PRELID2: variants seen among roughly 807,000 people sequenced by gnomAD.
PRELID2 encodes the protein PRELI domain containing 2, also known as PRELI domain-containing protein 2.
A neutral mutation model predicts 28.4 loss-of-function variants in PRELID2; 25 were observed. The observed-to-expected ratio is 0.88, with a 90% CI of 0.64 to 1.23. The LOEUF is 1.23. Among genes scored for constraint, PRELID2 ranks in the 50% most tolerant of loss-of-function variants. The probability of loss-of-function intolerance (pLI) is 0.00; values close to 1 mark genes in which losing one functional copy is unlikely to be tolerated. For synonymous variants in PRELID2, 76 were observed against 71.6 expected (o/e 1.06, Z -0.31); for missense variants, 201 against 214.4 (o/e 0.94, Z 0.39).
the PRELID2 span, among the ~76,000 whole-genome samples, chr5:145,272,061 G>A: frequency 3.3e-5 from 5 of 150,752 alleles, no homozygotes; most frequent in Non-Finnish European, 7.4e-5. Flanking sequence ...AGTATGGGAT[G>A]GAGACATATT....
the PRELID2 span, among the ~76,000 whole-genome samples, chr5:145,337,339 A>G: frequency 2.0e-5 from 3 of 151,890 alleles, no homozygotes; most frequent in Non-Finnish European, 2.9e-5. Context: ...AAAAAAGAAG[A>G]CACCTCCACA....
intron 1 of PRELID2, among the ~76,000 whole-genome samples, chr5:145,582,722 C>T (rs114991333): frequency 0.015 from 2,280 of 152,090 alleles, 60 homozygotes; most frequent in African/African-American, 0.051. Flanking sequence ...ACCAGACACA[C>T]ACACTCTCCC....
the PRELID2 span, among the ~76,000 whole-genome samples, chr5:145,355,054 G>C: frequency 6.6e-6 from 1 of 152,146 alleles, no homozygotes; most frequent in African/African-American, 2.4e-5. Context: ...ATTAAAGACA[G>C]TGTTTAATAT....
chr5:145,456,345 C>T, the PRELID2 span, among the ~76,000 whole-genome samples: 2,819 of 152,248 alleles, frequency 0.019, 46 homozygotes, highest in Non-Finnish European at 0.027. Flanking sequence ...TTTTGTGTAG[C>T]GACGCCTATA....
the PRELID2 span, among the ~76,000 whole-genome samples, chr5:145,352,250 C>G: frequency 6.6e-6 from 1 of 152,232 alleles, no homozygotes; most frequent in Non-Finnish European, 1.5e-5. Context: ...CTGCAGGAAA[C>G]TGTGGCCTGG....
At chr5:145,782,822 G>A (rs188000515) in intron 5 of PRELID2, among the ~76,000 whole-genome samples, 75 of 152,308 alleles carry the variant, frequency 4.9e-4, no homozygotes, top group African/African-American at 1.3e-3. Flanking sequence ...CTATTTGTCA[G>A]ACAGAAAAAT....
chr5:145,758,777 CCAACA>C lies in PRELID2; in HGVS notation c.*1754_*1758del, dbSNP rs1757338479. On this transcript the variant is annotated 3_prime_UTR_variant, in exon 7 of 7. Transcript: ENST00000683046. ...TTAGTTTCTACCATTATTTTTCCCT[CCAACA>C]CAATTGAAGAATGAAACACTATGAA... Among the ~76,000 whole-genome samples, 1 of 152,006 alleles carries C rather than the reference CCAACA, an allele frequency of 6.6e-6. No homozygotes were observed. Among genetic ancestry groups the C allele is most frequent in the Non-Finnish European group, 1.5e-5 (1 of 68,012 alleles).
intron 1 of PRELID2, among the ~76,000 whole-genome samples, chr5:145,669,921 T>C (rs1754672232): frequency 6.6e-6 from 1 of 152,112 alleles, no homozygotes; most frequent in African/African-American, 2.4e-5. Flanking sequence ...GAGCCTCTCA[T>C]AGCACCACGT....
intron 1 of PRELID2, among the ~76,000 whole-genome samples, chr5:145,575,495 A>T (rs534720585): frequency 2.0e-4 from 31 of 152,150 alleles, no homozygotes; most frequent in Non-Finnish European, 4.4e-4. Context: ...AATAAACACA[A>T]GATAGATAGC....
intron 4 of PRELID2, among the ~76,000 whole-genome samples, chr5:145,802,468 A>G (rs1021547289): frequency 6.6e-6 from 1 of 152,216 alleles, no homozygotes; most frequent in Non-Finnish European, 1.5e-5. Flanking sequence ...CTTAGGAAGG[A>G]AAGAATGAAG....
chr5:145,688,964 T>C (rs1755091091), intron 1 of PRELID2, among the ~76,000 whole-genome samples: 1 of 152,166 alleles, frequency 6.6e-6, no homozygotes, highest in African/African-American at 2.4e-5. Flanking sequence ...AATAATTGAA[T>C]GTAAAGAATT....
chr5:145,699,443 G>A (rs1482661663), intron 1 of PRELID2, among the ~76,000 whole-genome samples: 1 of 152,098 alleles, frequency 6.6e-6, no homozygotes, highest in African/African-American at 2.4e-5. Flanking sequence ...CTAAGGGTAG[G>A]AGAACTGCAG....
the PRELID2 span, among the ~76,000 whole-genome samples, chr5:145,330,489 G>T: frequency 2.6e-5 from 4 of 152,048 alleles, no homozygotes; most frequent in East Asian, 3.9e-4. Context: ...ACTTCTTCCT[G>T]GTTTAGTCTT....
chr5:145,360,397 G>A, the PRELID2 span, among the ~76,000 whole-genome samples: 1 of 152,074 alleles, frequency 6.6e-6, no homozygotes, highest in Non-Finnish European at 1.5e-5. Context: ...AGAACTGCAG[G>A]TAAGATCTCC....
chr5:145,408,548 C>A, the PRELID2 span, among the ~76,000 whole-genome samples: 1 of 149,726 alleles, frequency 6.7e-6, no homozygotes, highest in African/African-American at 2.4e-5. Flanking sequence ...ATCACAACTT[C>A]TGGAACTAAA....
At chr5:145,327,074 A>T in the PRELID2 span, among the ~76,000 whole-genome samples, 27 of 152,220 alleles carry the variant, frequency 1.8e-4, no homozygotes, top group South Asian at 2.5e-3. Context: ...AAATCGTAAA[A>T]ATCACAGTAC....
At chr5:145,587,520 G>A (rs1258014572) in intron 1 of PRELID2, among the ~76,000 whole-genome samples, 1 of 152,108 alleles carries the variant, frequency 6.6e-6, no homozygotes, top group African/African-American at 2.4e-5. Flanking sequence ...AACTTTGCAG[G>A]AGATACTAAA....
chr5:145,817,432 T>TATTTATATATATATATATAA (rs1214821501), intron 4 of PRELID2, among the ~76,000 whole-genome samples: 26 of 136,654 alleles, frequency 1.9e-4, no homozygotes, highest in Non-Finnish European at 3.2e-4. Context: ...TATATATATA[T>TATTTATATATATATATATAA]ATATATATAT....
chr5:145,498,948 T>C (rs1752331432), intron 1 of PRELID2, among the ~76,000 whole-genome samples: 1 of 152,026 alleles, frequency 6.6e-6, no homozygotes, highest in Admixed American at 6.6e-5. Context: ...CATGAAATAA[T>C]ATTCATGATA....
Sources: gnomAD v4.1 joint callset for allele counts (sites outside exome capture counted in the v4.1 genomes callset) on GRCh38, gnomAD v4.1.1 for gene constraint, MANE v1.5 for transcripts, NCBI Gene and HGNC (gene_info 2026-07-23, HGNC 2026-07-21) for gene names.